CDK11B: variants seen among roughly 807,000 people sequenced by gnomAD.
CDK11B encodes the protein cyclin dependent kinase 11B.
A neutral mutation model predicts 84.0 loss-of-function variants in CDK11B; 37 were observed. The ratio of observed to expected loss-of-function variants is 0.44; its 90% CI spans 0.34 to 0.58. The LOEUF is 0.58. Among genes scored for constraint, CDK11B ranks in the 20% least tolerant of loss-of-function variants. CDK11B has a pLI of 0.02. For missense variants in CDK11B, 427 were observed against 834.0 expected, an observed-to-expected ratio of 0.51 and a Z score of 6.01; for synonymous variants, 269 against 309.8, an observed-to-expected ratio of 0.87 and a Z score of 1.38.
chr1:1,650,441 C>T (rs1438033816), intron 4 of CDK11B, among the ~76,000 whole-genome samples: 1 of 146,008 alleles, frequency 6.8e-6, no homozygotes, highest in South Asian at 2.2e-4. Context: ...TCTCGGCTCA[C>T]TGCAAGCTCC....
intron 10 of CDK11B, 63 bp downstream of exon 10, chr1:1,640,985 G>C: frequency 6.3e-7 from 1 of 1,594,190 alleles, no homozygotes; most frequent in South Asian, 1.1e-5. Context: ...GGCTGTCTTA[G>C]GAGAGGGCTG....
At chr1:1,649,421 A>C in intron 5 of CDK11B, 78 bp downstream of exon 5, 11 of 1,148,582 alleles carry the variant, frequency 9.6e-6, no homozygotes, top group South Asian at 3.8e-5. Context: ...TTCTATTGCC[A>C]AATTCTTCTT....
At chr1:1,657,067 G>A (rs931923445) in intron 2 of CDK11B, among the ~76,000 whole-genome samples, 3 of 145,668 alleles carry the variant, frequency 2.1e-5, no homozygotes, top group Non-Finnish European at 3.0e-5. Flanking sequence ...AATACTTAGA[G>A]ATAGTATTAT....
intron 5 of CDK11B, among the ~76,000 whole-genome samples, chr1:1,648,526 C>T (rs1274331532): frequency 4.7e-5 from 7 of 148,004 alleles, no homozygotes; most frequent in Non-Finnish European, 7.4e-5. Context: ...GCTGCCCTTC[C>T]GCTTCAGACT....
In CDK11B at chr1:1,637,777, G is replaced by A. The variant is rs540996307; in HGVS notation, c.1449C>T (p.Asn483=). ...INTILKAQHP[N]IVTVREIVVG... is the part of the protein sequence containing the mutation. Reference sequence around the variant, plus strand: ...CCATGCTCACTCTAACGGTGACGATGTTGGGATGCTGGGCCTTGAGGATGG... The same window carrying A: ...CCATGCTCACTCTAACGGTGACGATATTGGGATGCTGGGCCTTGAGGATGG... The change falls in exon 13 of 20, where the codon AAC becomes AAT. Residue 483 remains asparagine, a synonymous_variant. Coordinates refer to ENST00000341832, the MANE Select transcript of CDK11B (RefSeq NM_033486.3). 6.8e-6 allele frequency: 11 copies of A among 1,613,794 alleles called. No individual in the cohort carries two copies. The Admixed American group carries it at 1.0e-4, about 15-fold the overall frequency.
rs761317190 is a variant in CDK11B at position 1,653,863 on chromosome 1, C to CACACACACACACAA, written c.228-1298_228-1297insTTGTGTGTGTGTGT. Among the ~76,000 whole-genome samples the CACACACACACACAA allele has an allele frequency of 2.2e-3, 290 of 132,944 alleles. 1 individual carries two copies. The highest frequency in any genetic ancestry group is 0.02 in the East Asian group (98 of 4,782). The allele number at this position is 132,944 out of a possible 152,430, so 87.2% of individuals were successfully genotyped here. The stretch of plus-strand genomic sequence containing the variant: ...ACACACACACACACACACACACACA[C>CACACACACACACAA]CCGAGCGTGGTGGCGCATGCCTGTA... On this transcript the variant is annotated intron_variant, in intron 3 of 19. Coordinates refer to ENST00000341832, the MANE Select transcript of CDK11B (RefSeq NM_033486.3).
intron 1 of CDK11B, among the ~76,000 whole-genome samples, chr1:1,658,627 G>A (rs1228571545): frequency 6.8e-6 from 1 of 147,260 alleles, no homozygotes; most frequent in Admixed American, 6.8e-5. Flanking sequence ...GAGATGCTCC[G>A]AGATGTGCTC....
At chr1:1,648,331 G>A (rs1037442377) in intron 5 of CDK11B, among the ~76,000 whole-genome samples, 9 of 152,144 alleles carry the variant, frequency 5.9e-5, no homozygotes, top group Non-Finnish European at 1.2e-4. Context: ...ACAGGGTGTG[G>A]CATACATGAA....
chr1:1,636,041 C>G lies in CDK11B; in HGVS notation c.2152G>C (p.Asp718His), dbSNP rs1208187954. ...EYFRETPLPI[D>H]PSMFPTWPAK... Reference sequence around the variant, plus strand: ...GGCCACGTGGGGAACATGGAGGGGTCGATGGGGAGGGGGGTCTCGCGGAAA... The same window carrying G: ...GGCCACGTGGGGAACATGGAGGGGTGGATGGGGAGGGGGGTCTCGCGGAAA... The change falls in exon 19 of 20, where the codon GAC becomes CAC. Residue 718 changes from aspartate (D) to histidine (H), a missense_variant. Coordinates refer to ENST00000341832, the MANE Select transcript of CDK11B (RefSeq NM_033486.3). The G allele has an allele frequency of 2.3e-6, 1 of 438,750 alleles. No homozygotes were observed. Among genetic ancestry groups the G allele is most frequent in the Non-Finnish European group, 3.9e-6 (1 of 259,314 alleles). 27.2% of individuals were successfully genotyped at this position (438,750 alleles called of 1,614,324 possible). A position where few individuals can be genotyped will look rare whatever the true frequency, so the allele number is the denominator to read the frequency against.
intron 6 of CDK11B, 60 bp downstream of exon 6, chr1:1,645,066 A>G (rs1385751997): frequency 1.3e-6 from 1 of 740,844 alleles, no homozygotes. Flanking sequence ...GCAAGTGCCC[A>G]GCACCAGGGG....
Position 1,658,938 on chromosome 1 carries a change from G to A in CDK11B, c.-38C>T. The A allele has an allele frequency of 1.5e-5, 3 of 199,438 alleles. No homozygotes were observed. Among genetic ancestry groups the A allele is most frequent in the Non-Finnish European group, 3.1e-5 (3 of 97,980 alleles). The allele number at this position is 199,438 out of a possible 1,614,324, so 12.4% of individuals were successfully genotyped here. A position where few individuals can be genotyped will look rare whatever the true frequency, so the allele number is the denominator to read the frequency against. The stretch of plus-strand genomic sequence containing the variant: ...CCCCTACGCCGCCGCCGCTGCCGCC[G>A]CCGCCGCCGCCGGTCCCGGAGCCAG... On this transcript the variant is annotated 5_prime_UTR_variant, in exon 1 of 20. Coordinates refer to ENST00000341832, the MANE Select transcript of CDK11B (RefSeq NM_033486.3).
Position 1,636,494 on chromosome 1 carries a change from G to A in CDK11B, c.1918-13C>T, listed in dbSNP as rs1272904100. 6 of 1,608,032 alleles carry A rather than the reference G, an allele frequency of 3.7e-6. No individual in the cohort carries two copies. Among genetic ancestry groups the A allele is most frequent in the Admixed American group, 3.4e-5 (2 of 59,098 alleles). On this transcript the variant is annotated splice_polypyrimidine_tract_variant and intron_variant, in intron 17 of 19. Transcript: ENST00000341832. ...GGGTCCCCAGATCCTGAAAGACAGA[G>A]GTGCTTCAACAGCCACACCAAGTGG...
At chr1:1,656,892 T>C (rs138935437) in intron 2 of CDK11B, among the ~76,000 whole-genome samples, 46 of 152,346 alleles carry the variant, frequency 3.0e-4, no homozygotes, top group Admixed American at 1.3e-3. Context: ...ATGCCTGTAC[T>C]CACTAACATC....
intron 4 of CDK11B, among the ~76,000 whole-genome samples, 183 bp from the exon 5 acceptor site, chr1:1,649,820 C>CA (rs1446108723): frequency 5.3e-5 from 8 of 151,184 alleles, no homozygotes; most frequent in Non-Finnish European, 7.4e-5. Flanking sequence ...ACTAAAAATA[C>CA]AAAAATTAGC....
chr1:1,647,179 GATA>G (rs144614793), intron 5 of CDK11B, among the ~76,000 whole-genome samples: 7,111 of 151,820 alleles, frequency 0.047, 7 homozygotes, highest in Non-Finnish European at 0.073. Flanking sequence ...CTTCAGAATG[GATA>G]ATTTCTACTG....
At chr1:1,637,549 C>T (rs748103392) in intron 13 of CDK11B, 36 bp from the exon 14 acceptor site, 2 of 1,610,002 alleles carry the variant, frequency 1.2e-6, no homozygotes, top group Non-Finnish European at 1.7e-6. Context: ...TGGGCACCTC[C>T]AGGCCCCCAC....
At chr1:1,637,705 G>C (rs987343522) in intron 13 of CDK11B, 57 bp downstream of exon 13, 5 of 1,613,328 alleles carry the variant, frequency 3.1e-6, no homozygotes, top group African/African-American at 1.3e-5. Flanking sequence ...AGGACAGCAC[G>C]GGGCCCTGTC....
chr1:1,648,255 A>G (rs1641429249), intron 5 of CDK11B, among the ~76,000 whole-genome samples: 1 of 152,180 alleles, frequency 6.6e-6, no homozygotes, highest in Admixed American at 6.5e-5. Flanking sequence ...CCCAAATTTC[A>G]TCTACCAACC....
chr1:1,656,239 C>T (rs1642730318), intron 2 of CDK11B, among the ~76,000 whole-genome samples: 1 of 152,206 alleles, frequency 6.6e-6, no homozygotes, highest in African/African-American at 2.4e-5. Context: ...GTAATCCCAG[C>T]ACTTTGGGAG....
Sources: gnomAD v4.1 joint callset for allele counts (sites outside exome capture counted in the v4.1 genomes callset) on GRCh38, gnomAD v4.1.1 for gene constraint, MANE v1.5 for transcripts, NCBI Gene and HGNC (gene_info 2026-07-23, HGNC 2026-07-21) for gene names.